PRSS23: variants seen among roughly 807,000 people sequenced by gnomAD.
PRSS23 encodes the protein protease, serine 23.
PRSS23 carries 25 observed loss-of-function variants against 34.7 expected under a neutral mutation model. The observed-to-expected ratio is 0.72, with a 90% CI of 0.53 to 1.01. PRSS23 has a LOEUF of 1.01. Ranked by LOEUF, PRSS23 falls within the 50% of genes least tolerant of loss-of-function variation. The pLI, the probability that PRSS23 is intolerant of heterozygous loss-of-function variation, is 0.00. For synonymous variants in PRSS23, 176 were observed against 186.6 expected, an observed-to-expected ratio of 0.94 and a Z score of 0.46; for missense variants, 445 against 475.6, an observed-to-expected ratio of 0.94 and a Z score of 0.60.
At chr11:86,870,676 G>C (rs979937357) in intron 2 of PRSS23, among the ~76,000 whole-genome samples, 4 of 152,098 alleles carry the variant, frequency 2.6e-5, no homozygotes, top group Non-Finnish European at 4.4e-5. Context: ...ATATGATTCT[G>C]TTTATTTATC....
chr11:86,831,865 A>G (rs1948359282), intron 2 of PRSS23, among the ~76,000 whole-genome samples: 1 of 151,940 alleles, frequency 6.6e-6, no homozygotes, highest in Non-Finnish European at 1.5e-5. Context: ...GTTCCTCCTA[A>G]TGTCACAGGT....
At chr11:86,872,825 C>T (rs1415462787) in intron 2 of PRSS23, among the ~76,000 whole-genome samples, 2 of 152,116 alleles carry the variant, frequency 1.3e-5, no homozygotes, top group Non-Finnish European at 2.9e-5. Flanking sequence ...ACTAAATGAC[C>T]TTGAGTAAGT....
intron 2 of PRSS23, among the ~76,000 whole-genome samples, chr11:86,861,302 C>A (rs1948612897): frequency 1.3e-5 from 2 of 151,378 alleles, no homozygotes; most frequent in Admixed American, 1.3e-4. Flanking sequence ...TTTGTAATAT[C>A]CGGGGGCGGA....
At chr11:86,798,064 G>A (rs746452511), upstream of PRSS23, among the ~76,000 whole-genome samples, 1 of 152,170 alleles carries the variant, frequency 6.6e-6, no homozygotes, top group African/African-American at 2.4e-5. Flanking sequence ...GGATTGAAGT[G>A]ACTCTAATAC....
In PRSS23 at chr11:86,857,281, C is replaced by T. The variant is rs149022232; in HGVS notation, c.206+33688C>T. On this transcript the variant is annotated intron_variant, in intron 2 of 2. Transcript: ENST00000533902. ...GCAAACAACTGCCAGGTGAGAGCCA[C>T]AGGTGGAGAAGGCTTTATACTTCCC... The T allele has an allele frequency of 8.9e-4, 584 of 653,692 alleles. 4 individuals carry two copies. In the African/African-American group the frequency reaches 0.011, roughly 13 times the overall value. The allele number at this position is 653,692 out of a possible 1,614,324, so 40.5% of individuals were successfully genotyped here.
chr11:86,832,148 C>G (rs982602868), intron 2 of PRSS23, among the ~76,000 whole-genome samples: 1 of 152,028 alleles, frequency 6.6e-6, no homozygotes, highest in African/African-American at 2.4e-5. Context: ...GTGGTGTTCA[C>G]CATGTGCGTA....
intron 2 of PRSS23, among the ~76,000 whole-genome samples, chr11:86,883,306 A>G (rs1421228812): frequency 1.3e-5 from 2 of 152,260 alleles, no homozygotes; most frequent in African/African-American, 4.8e-5. Flanking sequence ...ACATAGGCCA[A>G]TGGAACAGAA....
chr11:86,828,977 A>G (rs1948327541), intron 2 of PRSS23, among the ~76,000 whole-genome samples: 1 of 151,970 alleles, frequency 6.6e-6, no homozygotes, highest in South Asian at 2.1e-4. Flanking sequence ...TGTGTCTTGG[A>G]GTTGCTCTTC....
At chr11:86,817,139 T>C (rs1298743833) in intron 1 of PRSS23, among the ~76,000 whole-genome samples, 2 of 152,178 alleles carry the variant, frequency 1.3e-5, no homozygotes, top group African/African-American at 2.4e-5. Flanking sequence ...AAAGCCTTTT[T>C]TTGTGATTTT....
chr11:86,939,957 G>A (rs992512143), intron 2 of PRSS23, among the ~76,000 whole-genome samples: 3 of 152,152 alleles, frequency 2.0e-5, no homozygotes, highest in Non-Finnish European at 4.4e-5. Context: ...AAAGAAAACT[G>A]TGTCAAGAAA....
At chr11:86,829,168 T>A (rs1948329460) in intron 2 of PRSS23, among the ~76,000 whole-genome samples, 2 of 152,364 alleles carry the variant, frequency 1.3e-5, no homozygotes, top group East Asian at 1.9e-4. Context: ...CATAGTCCCA[T>A]ATTTCTTGGA....
chr11:86,846,197 A>G (rs913273868), intron 2 of PRSS23, among the ~76,000 whole-genome samples: 3 of 151,966 alleles, frequency 2.0e-5, no homozygotes, highest in African/African-American at 7.3e-5. Flanking sequence ...CACCACACCA[A>G]TTCTTTGGTG....
chr11:86,791,615 A>G (rs1947952504), intron 1 of PRSS23, among the ~76,000 whole-genome samples: 1 of 152,204 alleles, frequency 6.6e-6, no homozygotes, highest in Non-Finnish European at 1.5e-5. Context: ...AGGAAAACCT[A>G]GAGGCCTAGA....
In PRSS23 at chr11:86,801,337, G is replaced by C. The variant is rs184883253; in HGVS notation, c.-14+686G>C. Among the ~76,000 whole-genome samples the C allele has an allele frequency of 1.7e-4, 26 of 152,326 alleles. No individual in the cohort carries two copies. The East Asian group carries it at 4.6e-3, about 27-fold the overall frequency. ...TTTTAAAGTTTTAAAAGGAGCGGGA[G>C]AAGACTTGTTCAGATGAAGGAACAC... On this transcript the variant is annotated intron_variant, in intron 1 of 1. Transcript: ENST00000280258.
chr11:86,844,960 A>G (rs1948475958), intron 2 of PRSS23, among the ~76,000 whole-genome samples: 1 of 152,132 alleles, frequency 6.6e-6, no homozygotes, highest in Non-Finnish European at 1.5e-5. Flanking sequence ...ATAGTGGTGC[A>G]TACCTGTTAC....
chr11:86,880,023 G>A (rs943255017), intron 2 of PRSS23, among the ~76,000 whole-genome samples: 21 of 152,242 alleles, frequency 1.4e-4, no homozygotes, highest in African/African-American at 4.8e-4. Flanking sequence ...GGCGGGGAAA[G>A]GATTGAGAAA....
At chr11:86,939,717 T>C (rs954280980) in intron 2 of PRSS23, among the ~76,000 whole-genome samples, 1 of 148,214 alleles carries the variant, frequency 6.7e-6, no homozygotes, top group African/African-American at 2.5e-5. Flanking sequence ...GGAAGTTAGC[T>C]AAATGCTGAT....
At chr11:86,949,741 C>T (rs1949273974) in intron 2 of PRSS23, 1 of 152,704 alleles carries the variant, frequency 6.5e-6, no homozygotes, top group East Asian at 1.9e-4. Flanking sequence ...CAGTTCATTT[C>T]ATATGGTCTA....
chr11:86,930,690 T>C (rs1949118415), intron 2 of PRSS23, among the ~76,000 whole-genome samples: 1 of 150,902 alleles, frequency 6.6e-6, no homozygotes, highest in Admixed American at 6.6e-5. Context: ...CTGGGGAGGC[T>C]GAGGCAGGAG....
Sources: allele counts gnomAD v4.1 joint callset (sites outside exome capture counted in the v4.1 genomes callset), GRCh38; gene constraint gnomAD v4.1.1; transcripts MANE v1.5; gene names NCBI Gene and HGNC (gene_info 2026-07-23, HGNC 2026-07-21).